The following LPP variants were observed in gnomAD, a reference collection of about 807,000 sequenced individuals.
LPP encodes lipoma-preferred partner.
LPP carries 38 observed loss-of-function variants against 60.4 expected under a neutral mutation model. The observed-to-expected ratio is 0.63, with a 90% CI of 0.49 to 0.83. The LOEUF is 0.83. Ranked by LOEUF, LPP falls within the 40% of genes least tolerant of loss-of-function variation. The pLI, the probability that LPP is intolerant of heterozygous loss-of-function variation, is 0.00. For missense variants in LPP, 902 were observed against 783.6 expected (o/e 1.15, Z -1.80); for synonymous variants, 328 against 290.8 (o/e 1.13, Z -1.30).
chr3:188,694,708 A>AT (rs1862853095), intron 7 of LPP, among the ~76,000 whole-genome samples: 1 of 151,252 alleles, frequency 6.6e-6, no homozygotes, highest in African/African-American at 2.4e-5. Context: ...AAAAAAAAAA[A>AT]AATAAATAAA....
chr3:188,741,488 T>C (rs1467068215), intron 8 of LPP, among the ~76,000 whole-genome samples: 1 of 152,060 alleles, frequency 6.6e-6, no homozygotes, highest in African/African-American at 2.4e-5. Flanking sequence ...CTGTTGTACA[T>C]GTAAACCAAA....
intron 3 of LPP, among the ~76,000 whole-genome samples, chr3:188,385,082 A>G (rs1777930546): frequency 6.6e-6 from 1 of 151,574 alleles, no homozygotes; most frequent in Non-Finnish European, 1.5e-5. Context: ...TAGACAGTAC[A>G]TCCTTTATGG....
chr3:188,685,036 T>G (rs1226154928), intron 7 of LPP, among the ~76,000 whole-genome samples: 1 of 152,232 alleles, frequency 6.6e-6, no homozygotes, highest in Non-Finnish European at 1.5e-5. Flanking sequence ...CATGTCATTG[T>G]TAAAACAACC....
At chr3:188,770,168 CTTTTTTTTTTTT>C (rs57278260) in intron 9 of LPP, among the ~76,000 whole-genome samples, 4 of 64,600 alleles carry the variant, frequency 6.2e-5, no homozygotes, top group East Asian at 6.5e-4. Flanking sequence ...AGTTATAATT[CTTTTTTTTTTTT>C]TTTTTTTTTT....
At chr3:188,256,612 T>TC (rs1293823166) in intron 2 of LPP, among the ~76,000 whole-genome samples, 18 of 152,300 alleles carry the variant, frequency 1.2e-4, no homozygotes, top group African/African-American at 4.3e-4. Context: ...GTCTACACTG[T>TC]CTCTCAACAT....
intron 5 of LPP, among the ~76,000 whole-genome samples, chr3:188,505,837 C>G (rs1813294355): frequency 6.6e-6 from 1 of 152,180 alleles, no homozygotes; most frequent in Non-Finnish European, 1.5e-5. Flanking sequence ...TCTGTAACCA[C>G]TTAGTGGTTT....
In LPP at chr3:188,882,220, T is replaced by C. The variant is rs1770115881; in HGVS notation, c.*7741T>C. 1 of 217,590 alleles carries C rather than the reference T, an allele frequency of 4.6e-6. No homozygotes were observed. The highest frequency in any genetic ancestry group is 9.2e-6 in the Non-Finnish European group (1 of 108,398). The allele number at this position is 217,590 out of a possible 1,614,324, so 13.5% of individuals were successfully genotyped here. A position where few individuals can be genotyped will look rare whatever the true frequency, so the allele number is the denominator to read the frequency against. On this transcript the variant is annotated 3_prime_UTR_variant, in exon 12 of 12. Coordinates refer to ENST00000617246, the MANE Select transcript of LPP (RefSeq NM_001375462.1). ...GGAGTACATAAAATTTGATAAGAAA[T>C]CTTGAGCTGATTCTTTGACTTGATT...
chr3:188,737,408 C>G (rs1303513555), intron 8 of LPP, among the ~76,000 whole-genome samples: 6 of 152,154 alleles, frequency 3.9e-5, no homozygotes, highest in Admixed American at 2.0e-4. Flanking sequence ...CCTAGTGTAC[C>G]CATGGGCCTG....
chr3:188,732,324 C>T (rs1720910983), intron 8 of LPP, among the ~76,000 whole-genome samples: 1 of 152,110 alleles, frequency 6.6e-6, no homozygotes, highest in Non-Finnish European at 1.5e-5. Flanking sequence ...TGGGAGGAGA[C>T]ATAAGGGATT....
chr3:188,234,387 G>C (rs1309248713), intron 2 of LPP, among the ~76,000 whole-genome samples: 5 of 152,186 alleles, frequency 3.3e-5, no homozygotes, highest in Non-Finnish European at 7.4e-5. Flanking sequence ...TGCTGAGAAG[G>C]ACTCTGAGGC....
At chr3:188,810,841 G>A (rs1400563236) in intron 9 of LPP, among the ~76,000 whole-genome samples, 1 of 151,902 alleles carries the variant, frequency 6.6e-6, no homozygotes, top group Non-Finnish European at 1.5e-5. Context: ...TCTCCATCTT[G>A]TACAGAAGCC....
intron 6 of LPP, among the ~76,000 whole-genome samples, chr3:188,537,348 G>T (rs1351191992): frequency 6.6e-6 from 1 of 152,172 alleles, no homozygotes; most frequent in Non-Finnish European, 1.5e-5. Context: ...AAAAGAAAAA[G>T]AAACAATAGA....
At chr3:188,588,143 T>C (rs1837890567) in intron 6 of LPP, among the ~76,000 whole-genome samples, 1 of 152,234 alleles carries the variant, frequency 6.6e-6, no homozygotes, top group Middle Eastern at 3.2e-3. Context: ...GGATATGGAA[T>C]AGCGTATACA....
chr3:188,478,173 C>T (rs771513020), intron 4 of LPP, among the ~76,000 whole-genome samples: 5 of 152,148 alleles, frequency 3.3e-5, no homozygotes, highest in Non-Finnish European at 7.4e-5. Context: ...AGCTTGGTCT[C>T]CTCCTCTGAG....
At chr3:188,346,095 C>G (rs1019390231) in intron 3 of LPP, among the ~76,000 whole-genome samples, 2 of 152,022 alleles carry the variant, frequency 1.3e-5, no homozygotes, top group African/African-American at 4.8e-5. Context: ...ATTCAGAGCC[C>G]CTTTTTCTGG....
At chr3:188,551,146 T>A (rs4686973) in intron 6 of LPP, among the ~76,000 whole-genome samples, 74,117 of 151,988 alleles carry the variant, frequency 0.49, 18,863 homozygotes, top group East Asian at 0.92. Context: ...AAGGATATTT[T>A]ATTGGACTTA....
intron 7 of LPP, among the ~76,000 whole-genome samples, chr3:188,660,644 C>CTGTG (rs1217077290): frequency 0.78 from 116,718 of 149,968 alleles, 45,764 homozygotes; most frequent in East Asian, 0.87. Context: ...TTCCAAAGAT[C>CTGTG]TGTGTGTGTG....
intron 8 of LPP, among the ~76,000 whole-genome samples, chr3:188,731,507 T>TTTTTGTTTTTTTTGTTTTGTTTTG (rs1720469354): frequency 6.4e-5 from 2 of 31,080 alleles, no homozygotes; most frequent in African/African-American, 2.5e-4. Context: ...ATCTTTTATT[T>TTTTTGTTTTTTTTGTTTTGTTTTG]TTTTGTTTTT....
intron 6 of LPP, among the ~76,000 whole-genome samples, chr3:188,534,648 A>G (rs1225111958): frequency 6.6e-6 from 1 of 152,214 alleles, no homozygotes; most frequent in African/African-American, 2.4e-5. Flanking sequence ...AACCACAGCA[A>G]ATATGTAGGA....
Sources: gnomAD v4.1 joint callset for allele counts (sites outside exome capture counted in the v4.1 genomes callset) on GRCh38, gnomAD v4.1.1 for gene constraint, MANE v1.5 for transcripts, NCBI Gene and HGNC (gene_info 2026-07-23, HGNC 2026-07-21) for gene names.